ATE1: variants seen among roughly 807,000 people sequenced by gnomAD.
ATE1 encodes the protein arginyltransferase 1.
Under a neutral mutation model 70.5 loss-of-function variants are expected in ATE1, and 36 were observed. That is an observed-to-expected ratio of 0.51 (90% CI 0.39 to 0.67). The LOEUF (loss-of-function observed/expected upper bound fraction) is 0.67. Ranked by LOEUF, ATE1 falls within the 30% of genes least tolerant of loss-of-function variation. ATE1 has a pLI of 0.00. For synonymous variants in ATE1, 232 were observed against 219.3 expected (o/e 1.06, Z -0.51); for missense variants, 593 against 629.5 (o/e 0.94, Z 0.62).
At chr10:121,905,256 C>T (rs1951143977) in intron 5 of ATE1, among the ~76,000 whole-genome samples, 1 of 152,184 alleles carries the variant, frequency 6.6e-6, no homozygotes, top group African/African-American at 2.4e-5. Context: ...TTATTATTAG[C>T]TATTATTTGT....
intron 11 of ATE1, among the ~76,000 whole-genome samples, chr10:121,763,183 A>G (rs1382571585): frequency 1.3e-5 from 2 of 152,232 alleles, no homozygotes; most frequent in Non-Finnish European, 2.9e-5. Context: ...AAAACCTAAA[A>G]GTACGCCAAA....
intron 11 of ATE1, among the ~76,000 whole-genome samples, chr10:121,762,537 T>G (rs1945087964): frequency 6.6e-6 from 1 of 151,650 alleles, no homozygotes; most frequent in South Asian, 2.1e-4. Context: ...CCTGTGTCTG[T>G]GTGGATTTTC....
At chr10:121,758,156 T>C (rs920995658) in intron 11 of ATE1, among the ~76,000 whole-genome samples, 2 of 152,218 alleles carry the variant, frequency 1.3e-5, no homozygotes, top group Non-Finnish European at 2.9e-5. Flanking sequence ...TTTAAAATTA[T>C]CAAATACATT....
intron 7 of ATE1, among the ~76,000 whole-genome samples, chr10:121,885,128 G>A (rs1284101918): frequency 2.6e-5 from 4 of 151,934 alleles, no homozygotes; most frequent in Non-Finnish European, 5.9e-5. Context: ...AGGTGTGGTG[G>A]CACGTGCCTG....
In ATE1 at chr10:121,827,976, T is replaced by C. The variant is rs543436654; in HGVS notation, c.1257+8742A>G. Among the ~76,000 whole-genome samples, 5 of 152,360 alleles carry C rather than the reference T, an allele frequency of 3.3e-5. No individual in the cohort carries two copies. The South Asian group carries it at 8.3e-4, about 25-fold the overall frequency. Reference sequence around the variant, plus strand: ...TGTAATGCATCCTGTCTATATACTATGACGATGACCACATACTGGTTTTCC... The same window carrying C: ...TGTAATGCATCCTGTCTATATACTACGACGATGACCACATACTGGTTTTCC... On this transcript the variant is annotated intron_variant, in intron 10 of 11. Transcript: ENST00000224652.
Position 121,841,100 on chromosome 10 carries a change from C to T in ATE1, c.1139G>A (p.Gly380Asp). Residue 380 changes from glycine (G) to aspartate (D), a missense_variant, in exon 9 of 12, where the codon GGC (glycine) becomes GAC (aspartate). Coordinates refer to ENST00000224652, the MANE Select transcript of ATE1 (RefSeq NM_001001976.3). ...ATCTTACCGTAGTGCAGAGTAGACG[C>T]CCAAAGACAAAAACGAATAATCAGG... ...YDPDYSFLSL[G>D]VYSALREIAF... The T allele has an allele frequency of 6.4e-7, 1 of 1,566,656 alleles. No homozygotes were observed. Among genetic ancestry groups the T allele is most frequent in the Admixed American group, 1.7e-5 (1 of 58,196 alleles).
intron 11 of ATE1, among the ~76,000 whole-genome samples, chr10:121,776,735 C>T (rs529608547): frequency 2.6e-4 from 39 of 152,330 alleles, no homozygotes; most frequent in African/African-American, 5.3e-4. Flanking sequence ...TAAGTGTGCA[C>T]GCATGCACGC....
intron 11 of ATE1, among the ~76,000 whole-genome samples, chr10:121,781,904 A>C (rs1946007727): frequency 6.6e-6 from 1 of 152,250 alleles, no homozygotes; most frequent in African/African-American, 2.4e-5. Flanking sequence ...GTTTCTTACA[A>C]GAAGAAGAAT....
At chr10:121,911,700 T>C (rs539080143) in intron 4 of ATE1, among the ~76,000 whole-genome samples, 6 of 151,476 alleles carry the variant, frequency 4.0e-5, no homozygotes, top group African/African-American at 7.3e-5. Flanking sequence ...GGGAGAAGAG[T>C]TGAACGCCAA....
At chr10:121,898,415 T>C (rs370749835) in intron 7 of ATE1, among the ~76,000 whole-genome samples, 1 of 152,234 alleles carries the variant, frequency 6.6e-6, no homozygotes, top group African/African-American at 2.4e-5. Flanking sequence ...GGCTAAGCTA[T>C]GATGTTCGGT....
At chr10:121,864,301 C>T (rs940714553) in intron 8 of ATE1, among the ~76,000 whole-genome samples, 11 of 152,196 alleles carry the variant, frequency 7.2e-5, no homozygotes, top group Non-Finnish European at 1.5e-4. Context: ...TTCTCATAAG[C>T]AGCTCACAAC....
At chr10:121,817,303 G>A (rs1208472679) in intron 10 of ATE1, among the ~76,000 whole-genome samples, 1 of 152,122 alleles carries the variant, frequency 6.6e-6, no homozygotes, top group East Asian at 1.9e-4. Context: ...TACTTTGGGA[G>A]GCCAAGGCGG....
intron 10 of ATE1, among the ~76,000 whole-genome samples, chr10:121,823,620 G>A (rs868837738): frequency 3.3e-5 from 5 of 152,202 alleles, no homozygotes; most frequent in South Asian, 4.1e-4. Flanking sequence ...TCTTCAGTAG[G>A]CCAGGGTAGA....
At chr10:121,799,462 C>T (rs756890515) in intron 10 of ATE1, among the ~76,000 whole-genome samples, 31 of 151,978 alleles carry the variant, frequency 2.0e-4, no homozygotes, top group Non-Finnish European at 4.3e-4. Flanking sequence ...CAGGCACTCA[C>T]CAATAGCAAA....
chr10:121,894,195 G>A (rs1373670722), intron 7 of ATE1, among the ~76,000 whole-genome samples: 1 of 149,416 alleles, frequency 6.7e-6, no homozygotes, highest in Non-Finnish European at 1.5e-5. Context: ...TCGAGGAAAT[G>A]GAAATGGAAG....
intron 11 of ATE1, among the ~76,000 whole-genome samples, chr10:121,770,023 A>C (rs1945437247): frequency 6.6e-6 from 1 of 152,236 alleles, no homozygotes; most frequent in South Asian, 2.1e-4. Flanking sequence ...ATCAGAACTC[A>C]AGTTTATGTA....
chr10:121,889,010 C>CTTAT (rs1056583267), intron 7 of ATE1, among the ~76,000 whole-genome samples: 9 of 152,152 alleles, frequency 5.9e-5, no homozygotes, highest in African/African-American at 2.2e-4. Flanking sequence ...TAGTAATCAA[C>CTTAT]TTATTTATTT....
intron 3 of ATE1, among the ~76,000 whole-genome samples, chr10:121,915,274 A>C (rs1449954862): frequency 6.6e-6 from 1 of 152,202 alleles, no homozygotes; most frequent in African/African-American, 2.4e-5. Context: ...AAAATATGAC[A>C]GGAGAAATGT....
intron 11 of ATE1, among the ~76,000 whole-genome samples, chr10:121,759,062 T>C (rs1408666095): frequency 6.6e-6 from 1 of 152,180 alleles, no homozygotes; most frequent in African/African-American, 2.4e-5. Flanking sequence ...AATTAAAGGC[T>C]AGAAATGATT....
Sources: gnomAD v4.1 joint callset for allele counts (sites outside exome capture counted in the v4.1 genomes callset) on GRCh38, gnomAD v4.1.1 for gene constraint, MANE v1.5 for transcripts, NCBI Gene and HGNC (gene_info 2026-07-23, HGNC 2026-07-21) for gene names.